Variants in CTNNA3 observed in about 807,000 individuals in gnomAD.
CTNNA3 encodes catenin alpha 3, also known as catenin alpha-3.
In CTNNA3, 76 loss-of-function variants were observed where a neutral mutation model predicts 95.7. That is an observed-to-expected ratio of 0.79 (90% CI 0.66 to 0.96). The LOEUF (loss-of-function observed/expected upper bound fraction) is 0.96. Ranked by LOEUF, CTNNA3 falls within the 40% of genes least tolerant of loss-of-function variation. CTNNA3 has a pLI of 0.00. For synonymous variants in CTNNA3, 431 were observed against 374.4 expected (o/e 1.15, Z -1.74); for missense variants, 1,191 against 1,089.8 (o/e 1.09, Z -1.31).
intron 5 of CTNNA3, among the ~76,000 whole-genome samples, chr10:67,237,122 G>GTGTGTATATA (rs1554810757): frequency 1.3e-5 from 1 of 79,610 alleles, no homozygotes; most frequent in African/African-American, 3.4e-5. Context: ...AAACTATGGT[G>GTGTGTATATA]TATGTATATA....
intron 3 of CTNNA3, among the ~76,000 whole-genome samples, chr10:67,583,908 A>G (rs912352471): frequency 7.9e-5 from 12 of 152,090 alleles, no homozygotes; most frequent in African/African-American, 2.2e-4. Context: ...TTTCAGCTCT[A>G]TCAGGTCATT....
intron 7 of CTNNA3, among the ~76,000 whole-genome samples, chr10:66,792,809 AAGAT>A (rs1841028702): frequency 6.6e-6 from 1 of 152,172 alleles, no homozygotes; most frequent in South Asian, 2.1e-4. Flanking sequence ...CAAACTTCTA[AAGAT>A]TGCCTCATCA....
chr10:66,430,612 A>T (rs2093285971), intron 11 of CTNNA3, among the ~76,000 whole-genome samples: 1 of 152,192 alleles, frequency 6.6e-6, no homozygotes, highest in Non-Finnish European at 1.5e-5. Context: ...ATCTACAACT[A>T]TCTGATCTTT....
intron 7 of CTNNA3, among the ~76,000 whole-genome samples, chr10:67,113,175 T>C (rs1045405574): frequency 5.3e-5 from 8 of 152,204 alleles, no homozygotes; most frequent in Non-Finnish European, 7.3e-5. Flanking sequence ...TCTGAAATTA[T>C]TTAGAGAGAA....
intron 13 of CTNNA3, among the ~76,000 whole-genome samples, chr10:66,199,259 A>G (rs999566786): frequency 2.6e-5 from 4 of 152,190 alleles, no homozygotes; most frequent in Non-Finnish European, 5.9e-5. Context: ...AAAAAATTTC[A>G]AAGATTGACT....
chr10:67,048,716 T>C (rs1332989215), intron 7 of CTNNA3, among the ~76,000 whole-genome samples: 1 of 152,056 alleles, frequency 6.6e-6, no homozygotes, highest in Non-Finnish European at 1.5e-5. Context: ...CAAAAACAGG[T>C]ACATGATAAA....
intron 7 of CTNNA3, among the ~76,000 whole-genome samples, chr10:66,794,674 T>G (rs1841120084): frequency 6.6e-6 from 1 of 152,160 alleles, no homozygotes; most frequent in Non-Finnish European, 1.5e-5. Context: ...GGAAGTCTCC[T>G]GCATCAATTG....
At chr10:66,768,940 T>C (rs1055094090) in intron 8 of CTNNA3, among the ~76,000 whole-genome samples, 15 of 152,282 alleles carry the variant, frequency 9.9e-5, no homozygotes, top group African/African-American at 3.4e-4. Context: ...TGCTATGGTT[T>C]GAAGAGTGAA....
intron 15 of CTNNA3, among the ~76,000 whole-genome samples, chr10:66,059,758 A>G (rs79622623): frequency 0.032 from 4,795 of 152,200 alleles, 102 homozygotes; most frequent in East Asian, 0.065. Context: ...ATCTGTATAA[A>G]TTTAGTAAAA....
At chr10:67,600,082 A>T (rs1843038353) in intron 3 of CTNNA3, among the ~76,000 whole-genome samples, 1 of 152,120 alleles carries the variant, frequency 6.6e-6, no homozygotes, top group South Asian at 2.1e-4. Flanking sequence ...AAGGTGAAAG[A>T]GTAATTCAAA....
chr10:67,615,029 C>T (rs1219054860), intron 2 of CTNNA3, among the ~76,000 whole-genome samples: 4 of 152,112 alleles, frequency 2.6e-5, no homozygotes, highest in Admixed American at 6.5e-5. Context: ...ATCCAAAGGC[C>T]CTGTCTCCAA....
intron 5 of CTNNA3, among the ~76,000 whole-genome samples, chr10:67,426,280 T>C (rs1845919995): frequency 6.6e-6 from 1 of 152,036 alleles, no homozygotes; most frequent in Non-Finnish European, 1.5e-5. Context: ...AACAAATATG[T>C]CTGGCTGATA....
intron 17 of CTNNA3, among the ~76,000 whole-genome samples, chr10:65,945,857 T>G (rs1462967306): frequency 6.6e-6 from 1 of 152,180 alleles, no homozygotes; most frequent in Non-Finnish European, 1.5e-5. Context: ...TAGTTGTCAT[T>G]GTGGTTACCA....
Position 65,920,304 on chromosome 10 carries a change from T to C in CTNNA3, c.*26A>G. The C allele has an allele frequency of 6.3e-7, 1 of 1,584,256 alleles. No homozygotes were observed. The highest frequency in any genetic ancestry group is 8.6e-7 in the Non-Finnish European group (1 of 1,159,066). On this transcript the variant is annotated 3_prime_UTR_variant, in exon 18 of 18. Transcript: ENST00000433211. The stretch of plus-strand genomic sequence containing the variant: ...TGTGGTTAGGCAGGATTTTGTCATA[T>C]AGGCACTATATGTAGAATAGTGGTT...
intron 16 of CTNNA3, among the ~76,000 whole-genome samples, chr10:65,971,993 G>A (rs1465170475): frequency 6.6e-6 from 1 of 152,080 alleles, no homozygotes; most frequent in African/African-American, 2.4e-5. Context: ...TGGAATGTAA[G>A]GTTGGTTTAA....
chr10:66,431,069 T>C (rs2093290977), intron 11 of CTNNA3, among the ~76,000 whole-genome samples: 1 of 148,930 alleles, frequency 6.7e-6, no homozygotes, highest in African/African-American at 2.5e-5. Context: ...AAAAAACCCA[T>C]CAAAAAGTGG....
At chr10:67,314,681 T>A (rs183676105) in intron 5 of CTNNA3, among the ~76,000 whole-genome samples, 1 of 152,340 alleles carries the variant, frequency 6.6e-6, no homozygotes, top group East Asian at 1.9e-4. Flanking sequence ...TTTGGTTTCA[T>A]TTGTTCATAA....
chr10:66,436,501 C>CTTTTTTTTTTTTT (rs34165061), intron 11 of CTNNA3, among the ~76,000 whole-genome samples: 227 of 60,434 alleles, frequency 3.8e-3, no homozygotes, highest in African/African-American at 4.7e-3. Flanking sequence ...ACAATCCCTG[C>CTTTTTTTTTTTTT]TTTTTTTTTT....
chr10:67,705,342 G>A (rs1342358858), intron 1 of CTNNA3, among the ~76,000 whole-genome samples: 151 of 151,342 alleles, frequency 1.0e-3, no homozygotes, highest in Non-Finnish European at 1.2e-3. Flanking sequence ...TGTTTATTGC[G>A]GCACTATTCA....
Sources: allele counts gnomAD v4.1 joint callset (sites outside exome capture counted in the v4.1 genomes callset), GRCh38; gene constraint gnomAD v4.1.1; transcripts MANE v1.5; gene names NCBI Gene and HGNC (gene_info 2026-07-23, HGNC 2026-07-21).